SYTL1: variants seen among roughly 807,000 people sequenced by gnomAD.
The protein encoded by SYTL1 is synaptotagmin-like protein 1.
Under a neutral mutation model 74.6 loss-of-function variants are expected in SYTL1, and 53 were observed. The observed-to-expected ratio is 0.71, with a 90% CI of 0.57 to 0.89. The LOEUF (loss-of-function observed/expected upper bound fraction) is 0.89, where lower values mean the gene tolerates loss of function less well. Among genes scored for constraint, SYTL1 ranks in the 40% least tolerant of loss-of-function variants. The pLI, the probability that SYTL1 is intolerant of heterozygous loss-of-function variation, is 0.00. For synonymous variants in SYTL1, 329 were observed against 324.9 expected (o/e 1.01, Z -0.14); for missense variants, 728 against 768.7 (o/e 0.95, Z 0.63).
Position 27,347,749 on chromosome 1 carries a change from C to A in SYTL1, c.341-59C>A, listed in dbSNP as rs1261033582. 2 of 1,574,362 alleles carry A rather than the reference C, an allele frequency of 1.3e-6. No individual in the cohort carries two copies. The highest frequency in any genetic ancestry group is 2.2e-5 in the East Asian group (1 of 44,554). Reference sequence around the variant, plus strand: ...GGTGGGTATCTCCCAGGGCCTCTCCCGAGTCACAGCCAGGCTTCCTGAGCA... The same window carrying A: ...GGTGGGTATCTCCCAGGGCCTCTCCAGAGTCACAGCCAGGCTTCCTGAGCA... On this transcript the variant is annotated intron_variant, in intron 3 of 14. Coordinates refer to ENST00000616558, the MANE Select transcript of SYTL1 (RefSeq NM_001193308.2). The surrounding 1 kb of genome is among the most constrained non-coding windows in gnomAD (Gnocchi z 4.9).
At chr1:27,352,773 G>A (rs2015328831) in intron 13 of SYTL1, 2 of 155,880 alleles carry the variant, frequency 1.3e-5, no homozygotes, top group Admixed American at 1.2e-4. Flanking sequence ...ACAGGCATGA[G>A]CCACCGCGCC....
intron 13 of SYTL1, 61 bp from the exon 14 acceptor site, chr1:27,353,222 G>A (rs1374583753): frequency 6.7e-7 from 1 of 1,494,276 alleles, no homozygotes; most frequent in Non-Finnish European, 9.1e-7. Flanking sequence ...GGGACGTGGT[G>A]ACTGGATGAC....
chr1:27,350,581 C>T lies in SYTL1; in HGVS notation c.1005+96C>T. On this transcript the variant is annotated intron_variant, in intron 10 of 14. Coordinates refer to ENST00000616558, the MANE Select transcript of SYTL1 (RefSeq NM_001193308.2). This position sits in a 1 kb window ranked among gnomAD's most constrained non-coding sequence, Gnocchi z 6.3. ...AAGGGCAGCCAGTAACGTCATTGCCCGGAGGATCGGCGGAGGGGGCCCATT... is the reference window on the plus strand; with the variant it reads ...AAGGGCAGCCAGTAACGTCATTGCCTGGAGGATCGGCGGAGGGGGCCCATT... 2 of 1,176,342 alleles carry T rather than the reference C, an allele frequency of 1.7e-6. No individual in the cohort carries two copies. The highest frequency in any genetic ancestry group is 1.4e-5 in the South Asian group (1 of 73,338). 72.9% of individuals were successfully genotyped at this position (1,176,342 alleles called of 1,614,324 possible). A position where few individuals can be genotyped will look rare whatever the true frequency, so the allele number is the denominator to read the frequency against.
Position 27,347,581 on chromosome 1 carries a change from T to C in SYTL1, c.340+12T>C. 1 of 1,613,188 alleles carries C rather than the reference T, an allele frequency of 6.2e-7. No homozygotes were observed. Among genetic ancestry groups the C allele is most frequent in the Non-Finnish European group, 8.5e-7 (1 of 1,179,640 alleles). ...GAAGAGCACCAGGGGTGAGAGGAGA[T>C]CCTCGGGGCAGGGCAAGCCATGTGC... On this transcript the variant is annotated intron_variant, in intron 3 of 14. Coordinates refer to ENST00000616558, the MANE Select transcript of SYTL1 (RefSeq NM_001193308.2). This position sits in a 1 kb window ranked among gnomAD's most constrained non-coding sequence, Gnocchi z 4.9.
Position 27,349,136 on chromosome 1 carries a change from G to C in SYTL1, c.516G>C (p.Ala172=). ...VPLKASDPEE[A]SQAQEDPGQG... ...TAAAGGCTTCAGATCCTGAGGAGGC[G>C]TCCCAGGCCCAGGAAGGTGAGTGGG... Residue 172 remains alanine, a synonymous_variant, in exon 6 of 15, where the codon GCG becomes GCC. Coordinates refer to ENST00000616558, the MANE Select transcript of SYTL1 (RefSeq NM_001193308.2). 1 of 1,613,848 alleles carries C rather than the reference G, an allele frequency of 6.2e-7. No individual in the cohort carries two copies. Among genetic ancestry groups the C allele is most frequent in the Non-Finnish European group, 8.5e-7 (1 of 1,179,806 alleles).
In SYTL1 at chr1:27,347,703, C is replaced by A; in HGVS notation, c.341-105C>A. 1.3e-6 allele frequency: 2 copies of A among 1,492,036 alleles called. No homozygotes were observed. The highest frequency in any genetic ancestry group is 9.1e-7 in the Non-Finnish European group (1 of 1,098,692). 92.4% of individuals were successfully genotyped at this position (1,492,036 alleles called of 1,614,324 possible). On this transcript the variant is annotated intron_variant, in intron 3 of 14. Transcript: ENST00000616558. The surrounding 1 kb of genome is among the most constrained non-coding windows in gnomAD (Gnocchi z 4.9). The stretch of plus-strand genomic sequence containing the variant: ...ACTGTGTGTCTTTCAGTGGGCAATG[C>A]CCCTCCGTGGGCATGGGGTGGGTGG...
Position 27,348,523 on chromosome 1 carries a change from CA to C in SYTL1, c.459+512del, listed in dbSNP as rs1416715876. ...AGGAGCTCAAGACCAGCCTGACTAACATGGAGAAACCCCATCTCTACTAAAA... is the reference window on the plus strand; with the variant it reads ...AGGAGCTCAAGACCAGCCTGACTAACTGGAGAAACCCCATCTCTACTAAAA... On this transcript the variant is annotated intron_variant, in intron 5 of 14. Coordinates refer to ENST00000616558, the MANE Select transcript of SYTL1 (RefSeq NM_001193308.2). This position sits in a 1 kb window ranked among gnomAD's most constrained non-coding sequence, Gnocchi z 4.1. Among the ~76,000 whole-genome samples the C allele has an allele frequency of 6.6e-6, 1 of 152,108 alleles. No homozygotes were observed. Among genetic ancestry groups the C allele is most frequent in the Non-Finnish European group, 1.5e-5 (1 of 68,010 alleles).
chr1:27,350,001 C>A lies in SYTL1; in HGVS notation c.777C>A (p.Gly259=). Residue 259 remains glycine, a synonymous_variant, in exon 9 of 15, where the codon GGC becomes GGA. Coordinates refer to ENST00000616558, the MANE Select transcript of SYTL1 (RefSeq NM_001193308.2). This position sits in a 1 kb window ranked among gnomAD's most constrained non-coding sequence, Gnocchi z 6.3. ...TLSGSQMSLS[G]DAEAVQVRGS... ...GCGGCAGCCAGATGAGCCTGTCAGG[C>A]GACGCGGAGGCGGTGCAGGTCCGCG... 1 of 1,566,458 alleles carries A rather than the reference C, an allele frequency of 6.4e-7. No homozygotes were observed. The highest frequency in any genetic ancestry group is 8.6e-7 in the Non-Finnish European group (1 of 1,165,468).
rs1159320653 is a variant in SYTL1 at position 27,345,222 on chromosome 1, G to A, written c.-38-75G>A. On this transcript the variant is annotated intron_variant, in intron 1 of 14. Transcript: ENST00000616558. This position sits in a 1 kb window ranked among gnomAD's most constrained non-coding sequence, Gnocchi z 6.0. Reference sequence around the variant, plus strand: ...ACCCATACCCGGCCAAGTGTTTGGGGAGAAAAGGGCTGTTGGTTCTAGGAT... The same window carrying A: ...ACCCATACCCGGCCAAGTGTTTGGGAAGAAAAGGGCTGTTGGTTCTAGGAT... 4 of 816,894 alleles carry A rather than the reference G, an allele frequency of 4.9e-6. No individual in the cohort carries two copies. The highest frequency in any genetic ancestry group is 5.4e-6 in the Non-Finnish European group (3 of 553,706). 50.6% of individuals were successfully genotyped at this position (816,894 alleles called of 1,614,324 possible).
chr1:27,353,585 C>T (rs1311754562), intron 14 of SYTL1, 97 bp downstream of exon 14: 120 of 1,531,668 alleles, frequency 7.8e-5, no homozygotes, highest in Non-Finnish European at 1.1e-4. Flanking sequence ...CTTTCCTGAG[C>T]TTTGATATCT....
chr1:27,343,788 G>A lies in SYTL1; in HGVS notation c.-38-1509G>A, dbSNP rs144101116. ...CAAGGAGCTCACAACCCAGTTAGCC[G>A]GGCAATGTATGTGTGCCAAAGTCTG... is the stretch of plus-strand genomic sequence containing the variant. On this transcript the variant is annotated intron_variant, in intron 1 of 14. Coordinates refer to ENST00000616558, the MANE Select transcript of SYTL1 (RefSeq NM_001193308.2). The surrounding 1 kb of genome is among the most constrained non-coding windows in gnomAD (Gnocchi z 5.2). Among the ~76,000 whole-genome samples, 341 of 152,300 alleles carry A rather than the reference G, an allele frequency of 2.2e-3. 2 individuals carry two copies. Among genetic ancestry groups the A allele is most frequent in the African/African-American group, 7.9e-3 (330 of 41,556 alleles).
In SYTL1 at chr1:27,347,895, C is replaced by G; in HGVS notation, c.413+15C>G. 6.2e-7 allele frequency: 1 copy of G among 1,614,116 alleles called. No individual in the cohort carries two copies. The highest frequency in any genetic ancestry group is 8.5e-7 in the Non-Finnish European group (1 of 1,179,986). On this transcript the variant is annotated intron_variant, in intron 4 of 14. Coordinates refer to ENST00000616558, the MANE Select transcript of SYTL1 (RefSeq NM_001193308.2). This position sits in a 1 kb window ranked among gnomAD's most constrained non-coding sequence, Gnocchi z 4.9. ...CCAGAGCCCAGGTGAGGAGGAGTCTCAGGAAGGGGGAGATGGTGCCCACCA... is the reference window on the plus strand; with the variant it reads ...CCAGAGCCCAGGTGAGGAGGAGTCTGAGGAAGGGGGAGATGGTGCCCACCA...
Position 27,342,955 on chromosome 1 carries a change from C to T in SYTL1, c.-39+805C>T, listed in dbSNP as rs2014837416. 6.6e-6 allele frequency among the ~76,000 whole-genome samples: 1 copy of T among 152,238 alleles called. No individual in the cohort carries two copies. The highest frequency in any genetic ancestry group is 6.5e-5 in the Admixed American group (1 of 15,284). On this transcript the variant is annotated intron_variant, in intron 1 of 14. Coordinates refer to ENST00000616558, the MANE Select transcript of SYTL1 (RefSeq NM_001193308.2). The surrounding 1 kb of genome is among the most constrained non-coding windows in gnomAD (Gnocchi z 4.7). ...CTGTTGTGGAGCACACAGGTATCCA[C>T]AGAGTGAATGCACACCGTGCAGCCG...
rs890329646 is a variant in SYTL1, at chr1:27,351,701, G to A, written c.1343+146G>A. 15 of 571,714 alleles carry A rather than the reference G, an allele frequency of 2.6e-5. No individual in the cohort carries two copies. The highest frequency in any genetic ancestry group is 3.3e-5 in the Non-Finnish European group (11 of 330,870). The allele number at this position is 571,714 out of a possible 1,614,324, so 35.4% of individuals were successfully genotyped here. A position where few individuals can be genotyped will look rare whatever the true frequency, so the allele number is the denominator to read the frequency against. The stretch of plus-strand genomic sequence containing the variant: ...GGTGAAGGGGACGGTTTGAGCAAAG[G>A]CCTGGAGTCAGGGAAGTTGAGGACA... On this transcript the variant is annotated intron_variant, in intron 13 of 14. Coordinates refer to ENST00000616558, the MANE Select transcript of SYTL1 (RefSeq NM_001193308.2). The surrounding 1 kb of genome is among the most constrained non-coding windows in gnomAD (Gnocchi z 5.0).
chr1:27,349,942 G>A, intron 8 of SYTL1, 30 bp from the exon 9 acceptor site: 1 of 1,565,968 alleles, frequency 6.4e-7, no homozygotes, highest in Non-Finnish European at 8.6e-7. Flanking sequence ...CCTGCGAGCG[G>A]CCCTGACTCC....
In SYTL1 at chr1:27,349,506, G is replaced by T. The variant is rs559178360; in HGVS notation, c.633+8G>T. On this transcript the variant is annotated splice_region_variant and intron_variant, in intron 7 of 14. Transcript: ENST00000616558. ...CGGCCCCAGCAAGCCCAGGTAGGCGGGAGTGGCCCGTGGCTGCTCTCAACA... is the reference window on the plus strand; with the variant it reads ...CGGCCCCAGCAAGCCCAGGTAGGCGTGAGTGGCCCGTGGCTGCTCTCAACA... 14 of 1,456,740 alleles carry T rather than the reference G, an allele frequency of 9.6e-6. No individual in the cohort carries two copies. In the South Asian group the frequency reaches 2.0e-4, roughly 21 times the overall value. 90.2% of individuals were successfully genotyped at this position (1,456,740 alleles called of 1,614,324 possible). A position where few individuals can be genotyped will look rare whatever the true frequency, so the allele number is the denominator to read the frequency against.
Position 27,350,152 on chromosome 1 carries a change from A to C in SYTL1, c.908+20A>C. 2 of 1,401,158 alleles carry C rather than the reference A, an allele frequency of 1.4e-6. No individual in the cohort carries two copies. 86.8% of individuals were successfully genotyped at this position (1,401,158 alleles called of 1,614,324 possible). On this transcript the variant is annotated intron_variant, in intron 9 of 14. Transcript: ENST00000616558. The surrounding 1 kb of genome is among the most constrained non-coding windows in gnomAD (Gnocchi z 6.3). Reference sequence around the variant, plus strand: ...GGACCCGTGAGTGCCCCGCCGGCCAAGCGGGGCGCGGCTGTCACAGCCCAG... The same window carrying C: ...GGACCCGTGAGTGCCCCGCCGGCCACGCGGGGCGCGGCTGTCACAGCCCAG...
chr1:27,351,284 G>T lies in SYTL1; in HGVS notation c.1191G>T (p.Pro397=). ...TCCCACCCTCTCCCGACGACCTTCC[G>T]AGCCGCGGGTTACTCGCCCTGTCCC... ...PRVPPSPDDL[P]SRGLLALSLK... is the part of the protein sequence containing the mutation. The change falls in exon 12 of 15, where the codon CCG becomes CCT. Residue 397 remains proline, a synonymous_variant. Coordinates refer to ENST00000616558, the MANE Select transcript of SYTL1 (RefSeq NM_001193308.2). This position sits in a 1 kb window ranked among gnomAD's most constrained non-coding sequence, Gnocchi z 5.0. 6.4e-7 allele frequency: 1 copy of T among 1,561,516 alleles called. No homozygotes were observed.
At position 27,351,863 on chromosome 1, in the gene SYTL1, GT is replaced by G. The variant is rs1276622687; in HGVS notation, c.1343+309del. ...GGCTTGGCTGGGAACTTATAGTTCAGTGTAAGCTTCTAGGGGACTTCTAGGG... is the reference window on the plus strand; with the variant it reads ...GGCTTGGCTGGGAACTTATAGTTCAGGTAAGCTTCTAGGGGACTTCTAGGG... On this transcript the variant is annotated intron_variant, in intron 13 of 14. Coordinates refer to ENST00000616558, the MANE Select transcript of SYTL1 (RefSeq NM_001193308.2). The surrounding 1 kb of genome is among the most constrained non-coding windows in gnomAD (Gnocchi z 5.0). 9.6e-6 allele frequency: 3 copies of G among 313,880 alleles called. No individual in the cohort carries two copies. The highest frequency in any genetic ancestry group is 1.7e-5 in the Non-Finnish European group (3 of 171,678). 19.4% of individuals were successfully genotyped at this position (313,880 alleles called of 1,614,324 possible).
Sources: allele counts gnomAD v4.1 joint callset (sites outside exome capture counted in the v4.1 genomes callset), GRCh38; gene constraint gnomAD v4.1.1; non-coding constraint Gnocchi (gnomAD v3.1); transcripts MANE v1.5; gene names NCBI Gene and HGNC (gene_info 2026-07-23, HGNC 2026-07-21).